The following ADAMTS3 variants were observed in gnomAD, a reference collection of about 807,000 sequenced individuals.
ADAMTS3 encodes the protein ADAM metallopeptidase with thrombospondin type 1 motif 3, also known as A disintegrin and metalloproteinase with thrombospondin motifs 3.
Under a neutral mutation model 129.0 loss-of-function variants are expected in ADAMTS3, and 73 were observed. That is an observed-to-expected ratio of 0.57 (90% CI 0.47 to 0.69). The LOEUF (loss-of-function observed/expected upper bound fraction) is 0.69, where lower values mean the gene tolerates loss of function less well. ADAMTS3 is among the 30% of genes least tolerant of loss of function. ADAMTS3 has a pLI of 0.00. For synonymous variants in ADAMTS3, 477 were observed against 510.8 expected (o/e 0.93, Z 0.89); for missense variants, 1,457 against 1,514.5 (o/e 0.96, Z 0.63).
chr4:72,431,209 T>C (rs913500333), intron 3 of ADAMTS3, among the ~76,000 whole-genome samples: 46 of 152,060 alleles, frequency 3.0e-4, no homozygotes, highest in Non-Finnish European at 2.5e-4. Flanking sequence ...AAATGGCTCA[T>C]AAAACCTGTT....
At chr4:72,444,965 T>C (rs1718213840) in intron 3 of ADAMTS3, among the ~76,000 whole-genome samples, 1 of 151,680 alleles carries the variant, frequency 6.6e-6, no homozygotes. Context: ...ATTGTACGCA[T>C]CTATTTATAC....
At chr4:72,374,902 T>G (rs1007072269) in intron 4 of ADAMTS3, among the ~76,000 whole-genome samples, 34 of 152,324 alleles carry the variant, frequency 2.2e-4, no homozygotes, top group African/African-American at 8.2e-4. Flanking sequence ...TAAATGAAAG[T>G]AGGTATTTCT....
chr4:72,463,819 A>T (rs1163522704), intron 3 of ADAMTS3, among the ~76,000 whole-genome samples: 1 of 151,906 alleles, frequency 6.6e-6, no homozygotes, highest in Admixed American at 6.6e-5. Flanking sequence ...GGCTAGCAGC[A>T]AAGAGTTCCA....
chr4:72,470,376 T>TATATATATATATATATATATAC (rs557625827), intron 3 of ADAMTS3, among the ~76,000 whole-genome samples: 1 of 137,964 alleles, frequency 7.2e-6, no homozygotes, highest in African/African-American at 2.7e-5. Flanking sequence ...TATATATATA[T>TATATATATATATATATATATAC]ACACACACAC....
chr4:72,410,718 A>G (rs1282026550), intron 4 of ADAMTS3, among the ~76,000 whole-genome samples: 1 of 152,148 alleles, frequency 6.6e-6, no homozygotes, highest in African/African-American at 2.4e-5. Flanking sequence ...TTAATAGTAG[A>G]GGTGAAATTT....
chr4:72,364,413 G>A (rs543012760), intron 4 of ADAMTS3, among the ~76,000 whole-genome samples: 133 of 151,976 alleles, frequency 8.8e-4, no homozygotes, highest in Admixed American at 2.6e-3. Flanking sequence ...TCAAGAGTTC[G>A]AGACCAGCCT....
At chr4:72,446,355 G>A (rs1054448015) in intron 3 of ADAMTS3, among the ~76,000 whole-genome samples, 2 of 151,598 alleles carry the variant, frequency 1.3e-5, no homozygotes, top group African/African-American at 4.8e-5. Context: ...TCCTTAACAA[G>A]GAGAATGAGA....
intron 2 of ADAMTS3, among the ~76,000 whole-genome samples, chr4:72,559,591 T>C (rs76040571): frequency 2.0e-5 from 3 of 151,686 alleles, no homozygotes; most frequent in East Asian, 3.9e-4. Context: ...CTACCTAAAA[T>C]GTACGGATTA....
At chr4:72,532,520 C>CAT (rs57923874) in intron 3 of ADAMTS3, among the ~76,000 whole-genome samples, 5 of 147,270 alleles carry the variant, frequency 3.4e-5, no homozygotes, top group African/African-American at 5.1e-5. Flanking sequence ...CACACACACA[C>CAT]GTATAACTTT....
chr4:72,319,950 G>A lies in ADAMTS3; in HGVS notation c.1116C>T (p.Val372=). The change falls in exon 8 of 22, where the codon GTC becomes GTT. Residue 372 remains valine, a synonymous_variant. Transcript: ENST00000286657. ...TTCTCACTGGATGACACATGCCGGT[G>A]ACTGGAGCATATCCTGTAGAGAATA... The part of the protein sequence containing the change: ...GPAGMQGYAP[V]TGMCHPVRSC... The A allele has an allele frequency of 6.2e-7, 1 of 1,612,858 alleles. No homozygotes were observed.
intron 21 of ADAMTS3, among the ~76,000 whole-genome samples, chr4:72,285,738 T>C (rs1349801612): frequency 2.0e-5 from 3 of 148,948 alleles, no homozygotes; most frequent in Non-Finnish European, 1.5e-5. Flanking sequence ...TATGGGAATT[T>C]GCCTACTGAT....
At chr4:72,540,491 C>T (rs577767931) in intron 3 of ADAMTS3, among the ~76,000 whole-genome samples, 73 of 152,314 alleles carry the variant, frequency 4.8e-4, no homozygotes, top group African/African-American at 1.6e-3. Context: ...AAGCTCGCTG[C>T]AGAAATTTGC....
chr4:72,383,090 C>CAAG (rs1721337739), intron 4 of ADAMTS3, among the ~76,000 whole-genome samples: 2 of 151,458 alleles, frequency 1.3e-5, no homozygotes, highest in Admixed American at 1.3e-4. Context: ...TCTCCTGTTT[C>CAAG]AAGAAGGAAT....
At chr4:72,336,853 C>T (rs7661199) in intron 5 of ADAMTS3, among the ~76,000 whole-genome samples, 5,695 of 152,062 alleles carry the variant, frequency 0.037, 349 homozygotes, top group African/African-American at 0.13. Context: ...CCTCCACCCC[C>T]GCCCCACCCA....
chr4:72,550,000 G>GGAAGAA lies in ADAMTS3; in HGVS notation c.98-1122_98-1117dup, dbSNP rs1167934145. On this transcript the variant is annotated intron_variant, in intron 2 of 21. Coordinates refer to ENST00000286657, the MANE Select transcript of ADAMTS3 (RefSeq NM_014243.3). ...AAGAAGAAGAAGAAGAAGAGGAAGA[G>GGAAGAA]GAAGAAGAAGAAGAAGAAGAAGAAG... Among the ~76,000 whole-genome samples the GGAAGAA allele has an allele frequency of 4.1e-4, 4 of 9,772 alleles. 1 individual carries two copies. The highest frequency in any genetic ancestry group is 2.1e-3 in the African/African-American group (4 of 1,874). 6.4% of individuals were successfully genotyped at this position (9,772 alleles called of 152,430 possible). A position where few individuals can be genotyped will look rare whatever the true frequency, so the allele number is the denominator to read the frequency against.
rs998578473 is a variant in ADAMTS3, at chr4:72,548,641, G to C, written c.341C>G (p.Ser114Cys). The change falls in exon 3 of 22, where the codon TCT (serine) becomes TGT (cysteine). Residue 114 changes from serine (S) to cysteine (C), a missense_variant. Transcript: ENST00000286657. The part of the protein sequence containing the change: ...PGAVVEWHET[S>C]LVPGNITDPI... Reference sequence around the variant, plus strand: ...ATCGGTTATATTCCCAGGCACCAGAGATGTCTCATGCCACTCCACAACAGC... The same window carrying C: ...ATCGGTTATATTCCCAGGCACCAGACATGTCTCATGCCACTCCACAACAGC... 2 of 1,613,886 alleles carry C rather than the reference G, an allele frequency of 1.2e-6. No individual in the cohort carries two copies. Among genetic ancestry groups the C allele is most frequent in the African/African-American group, 2.7e-5 (2 of 74,914 alleles).
intron 4 of ADAMTS3, among the ~76,000 whole-genome samples, chr4:72,389,204 A>G (rs1721522059): frequency 6.6e-6 from 1 of 152,192 alleles, no homozygotes; most frequent in African/African-American, 2.4e-5. Flanking sequence ...CTTTCCGAGG[A>G]TAACAGCCTC....
chr4:72,453,265 T>C (rs1206631013), intron 3 of ADAMTS3, among the ~76,000 whole-genome samples: 2 of 151,968 alleles, frequency 1.3e-5, no homozygotes, highest in East Asian at 3.9e-4. Flanking sequence ...ACACTATGGC[T>C]GGTAGTAGTA....
At chr4:72,306,338 T>G (rs1292703390) in intron 15 of ADAMTS3, among the ~76,000 whole-genome samples, 1 of 151,996 alleles carries the variant, frequency 6.6e-6, no homozygotes, top group Non-Finnish European at 1.5e-5. Context: ...GACCTTCAAA[T>G]GATGTGAACA....
Sources: allele counts gnomAD v4.1 joint callset (sites outside exome capture counted in the v4.1 genomes callset), GRCh38; gene constraint gnomAD v4.1.1; transcripts MANE v1.5; gene names NCBI Gene and HGNC (gene_info 2026-07-23, HGNC 2026-07-21).